Variants in DOCK4 observed in about 807,000 individuals in gnomAD.
The protein encoded by DOCK4 is dedicator of cytokinesis 4.
Under a neutral mutation model 268.1 loss-of-function variants are expected in DOCK4, and 97 were observed. The observed-to-expected ratio is 0.36, with a 90% CI of 0.31 to 0.43. The LOEUF (loss-of-function observed/expected upper bound fraction) is 0.43. Ranked by LOEUF, DOCK4 falls within the 20% of genes least tolerant of loss-of-function variation. The pLI is 1.00. For synonymous variants in DOCK4, 954 were observed against 887.2 expected, an observed-to-expected ratio of 1.08 and a Z score of -1.34; for missense variants, 2,145 against 2,455.7, an observed-to-expected ratio of 0.87 and a Z score of 2.67.
intron 1 of DOCK4, among the ~76,000 whole-genome samples, chr7:112,140,673 GA>G (rs34812342): frequency 0.012 from 1,718 of 147,268 alleles, 41 homozygotes; most frequent in African/African-American, 0.041. Flanking sequence ...TTTAAATGCA[GA>G]AAAAAAAAAC....
chr7:111,741,341 A>G (rs1795902943), intron 46 of DOCK4, 127 bp from the exon 47 acceptor site: 2 of 1,439,126 alleles, frequency 1.4e-6, no homozygotes, highest in Non-Finnish European at 1.9e-6. Context: ...TTGCCTCAAT[A>G]TAATCAAATG....
chr7:111,731,846 G>A (rs1795107453), intron 52 of DOCK4, among the ~76,000 whole-genome samples: 1 of 142,090 alleles, frequency 7.0e-6, no homozygotes, highest in African/African-American at 2.8e-5. Context: ...TGATACTGAT[G>A]TTTCTCAATC....
rs779728474 is a variant in DOCK4 at position 111,863,536 on chromosome 7, A to G, written c.2309T>C (p.Val770Ala). 6.2e-7 allele frequency: 1 copy of G among 1,610,008 alleles called. No homozygotes were observed. Among genetic ancestry groups the G allele is most frequent in the Non-Finnish European group, 8.5e-7 (1 of 1,177,142 alleles). The change falls in exon 23 of 53, where the codon GTG becomes GCG. Residue 770 changes from valine (V) to alanine (A), a missense_variant. Val to Ala is a moderately conservative substitution (Grantham distance 64). This residue lies in a region of DOCK4 where 1,598 missense variants were observed against 1,986.7 expected (regional missense o/e 0.80). Transcript: ENST00000428084. ...AAAGAGCTTCAACAGTTCTGAGTAC[A>G]CGGCAGGGAAAGAGCTCAGAAACAC... is the stretch of plus-strand genomic sequence containing the variant. Reference protein sequence around the residue: ...QAVFLSSFPAVYSELLKLFDV... With the variant: ...QAVFLSSFPAAYSELLKLFDV...
At chr7:112,071,611 G>A (rs1046983261) in intron 1 of DOCK4, among the ~76,000 whole-genome samples, 1 of 152,182 alleles carries the variant, frequency 6.6e-6, no homozygotes, top group African/African-American at 2.4e-5. Context: ...CATACAAATT[G>A]TAAAAGTATT....
chr7:111,869,413 T>C (rs1213367729), intron 21 of DOCK4, 161 bp downstream of exon 21: 1 of 645,444 alleles, frequency 1.5e-6, no homozygotes, highest in African/African-American at 1.8e-5. Flanking sequence ...CCTTCAAATT[T>C]CATCAGCTCT....
chr7:111,969,918 C>A (rs1464721825), intron 8 of DOCK4, among the ~76,000 whole-genome samples: 2 of 152,178 alleles, frequency 1.3e-5, no homozygotes, highest in Admixed American at 6.5e-5. Context: ...CCCAATCCTA[C>A]ACCTCAGTTT....
At chr7:112,033,524 T>C (rs114478394) in intron 1 of DOCK4, among the ~76,000 whole-genome samples, 2,130 of 152,326 alleles carry the variant, frequency 0.014, 50 homozygotes, top group African/African-American at 0.048. Context: ...TTTGCAATAA[T>C]TTCTCACTTT....
At chr7:111,932,621 A>G (rs1006474560) in intron 12 of DOCK4, among the ~76,000 whole-genome samples, 1 of 152,216 alleles carries the variant, frequency 6.6e-6, no homozygotes, top group Non-Finnish European at 1.5e-5. Context: ...AAAGTAAAAA[A>G]AAAAATTTAA....
Position 112,166,302 on chromosome 7 carries a change from C to CA in DOCK4, c.37+39799dup, listed in dbSNP as rs962329911. On this transcript the variant is annotated intron_variant, in intron 1 of 52. Transcript: ENST00000428084. The stretch of plus-strand genomic sequence containing the variant: ...AAACATGCTCTTGGGGTATGACTGA[C>CA]AAAAAAAAGCTGTACATCTTTAATG... Among the ~76,000 whole-genome samples the CA allele has an allele frequency of 1.4e-4, 21 of 151,668 alleles. No individual in the cohort carries two copies. In the South Asian group the frequency reaches 1.9e-3, roughly 14 times the overall value.
intron 1 of DOCK4, among the ~76,000 whole-genome samples, chr7:112,095,557 G>T (rs1020584336): frequency 1.3e-5 from 2 of 152,106 alleles, no homozygotes; most frequent in African/African-American, 4.8e-5. Context: ...CATAATTGTT[G>T]TGGTGATAAC....
chr7:111,834,280 C>T (rs928058534), intron 26 of DOCK4, among the ~76,000 whole-genome samples: 9 of 152,152 alleles, frequency 5.9e-5, no homozygotes, highest in Admixed American at 2.0e-4. Context: ...TCTAGGTTCA[C>T]GTAGTTAATC....
intron 1 of DOCK4, among the ~76,000 whole-genome samples, chr7:112,104,213 G>C (rs1247504664): frequency 1.3e-5 from 2 of 152,214 alleles, no homozygotes; most frequent in Non-Finnish European, 1.5e-5. Context: ...GGTTAGGTAG[G>C]TTAATGCATT....
chr7:111,901,631 A>G, intron 14 of DOCK4, 46 bp downstream of exon 14: 1 of 1,590,314 alleles, frequency 6.3e-7, no homozygotes. Flanking sequence ...AAGTGAAAGC[A>G]ATTATACAGA....
chr7:111,994,967 G>T (rs192291841), intron 4 of DOCK4, among the ~76,000 whole-genome samples: 1 of 151,824 alleles, frequency 6.6e-6, no homozygotes, highest in Admixed American at 6.6e-5. Flanking sequence ...TATCTAGTAG[G>T]GTGTGTATGG....
intron 22 of DOCK4, among the ~76,000 whole-genome samples, chr7:111,867,513 T>C (rs1806071470): frequency 6.6e-6 from 1 of 152,186 alleles, no homozygotes; most frequent in Non-Finnish European, 1.5e-5. Context: ...AGCTCTGCAC[T>C]GGTCTTAAAA....
rs1020212019 is a variant in DOCK4, at chr7:111,812,014, A to C, written c.2931-65T>G. The C allele has an allele frequency of 1.4e-5, 12 of 832,148 alleles. No homozygotes were observed. The African/African-American group carries it at 1.9e-4, about 13-fold the overall frequency. 51.5% of individuals were successfully genotyped at this position (832,148 alleles called of 1,614,324 possible). The stretch of plus-strand genomic sequence containing the variant: ...AGTGAAAATCATTTAGTATACAAGA[A>C]TAAAAACCTACTAAGATAAAATAAA... On this transcript the variant is annotated intron_variant, in intron 27 of 52. Coordinates refer to ENST00000428084, the MANE Select transcript of DOCK4 (RefSeq NM_001363540.2).
chr7:111,942,311 C>T (rs530665888), intron 10 of DOCK4, among the ~76,000 whole-genome samples: 1 of 152,138 alleles, frequency 6.6e-6, no homozygotes, highest in Non-Finnish European at 1.5e-5. Flanking sequence ...TACTGTTGCT[C>T]CTGCTTTCTG....
chr7:111,824,516 T>C (rs1802249072), intron 26 of DOCK4, among the ~76,000 whole-genome samples: 1 of 152,232 alleles, frequency 6.6e-6, no homozygotes, highest in Non-Finnish European at 1.5e-5. Flanking sequence ...CCTCAAAAGT[T>C]GTAAGAGAAC....
chr7:111,893,333 C>T (rs986792941), intron 16 of DOCK4, among the ~76,000 whole-genome samples: 1 of 152,126 alleles, frequency 6.6e-6, no homozygotes, highest in Admixed American at 6.5e-5. Flanking sequence ...GAGAAGTCAA[C>T]CAGGACTTGA....
Sources: gnomAD v4.1 joint callset for allele counts (sites outside exome capture counted in the v4.1 genomes callset) on GRCh38, gnomAD v4.1.1 for gene constraint, gnomAD v4.1.1 regional missense constraint, MANE v1.5 for transcripts, NCBI Gene and HGNC (gene_info 2026-07-23, HGNC 2026-07-21) for gene names.